The following LDLRAD4 variants were observed in gnomAD, a reference collection of about 807,000 sequenced individuals.
The protein encoded by LDLRAD4 is low-density lipoprotein receptor class A domain-containing protein 4.
Under a neutral mutation model 17.0 loss-of-function variants are expected in LDLRAD4, and 5 were observed. The observed-to-expected ratio is 0.29, with a 90% CI of 0.15 to 0.62. The LOEUF is 0.62. Ranked by LOEUF, LDLRAD4 falls within the 20% of genes least tolerant of loss-of-function variation. The probability of loss-of-function intolerance (pLI) is 0.84; values close to 1 mark genes in which losing one functional copy is unlikely to be tolerated. For missense variants in LDLRAD4, 340 were observed against 424.7 expected (o/e 0.80, Z 1.75); for synonymous variants, 168 against 171.8 (o/e 0.98, Z 0.17).
At chr18:13,278,092 T>A (rs1274214332), upstream of LDLRAD4, 2 of 152,246 alleles carry the variant, frequency 1.3e-5, no homozygotes, top group East Asian at 3.8e-4. Flanking sequence ...AAGTTCTTCA[T>A]CTTTCTTTCT....
At chr18:13,561,444 A>G (rs1273919592) in intron 3 of LDLRAD4, 1 of 152,204 alleles carries the variant, frequency 6.6e-6, no homozygotes, top group Non-Finnish European at 1.5e-5. Flanking sequence ...CCATTTTTAT[A>G]TAGGAGTAAA....
chr18:13,479,765 G>A (rs1187870786), intron 3 of LDLRAD4, among the ~76,000 whole-genome samples: 2 of 152,022 alleles, frequency 1.3e-5, no homozygotes, highest in African/African-American at 4.8e-5. Context: ...TAAAAAATTG[G>A]CCAAAAATTT....
At chr18:13,588,261 T>C (rs1014138476) in intron 3 of LDLRAD4, among the ~76,000 whole-genome samples, 15 of 152,226 alleles carry the variant, frequency 9.9e-5, no homozygotes, top group Admixed American at 6.5e-5. Flanking sequence ...CTCTAGCACC[T>C]GCTTGGGAGG....
At chr18:13,436,448 C>G (rs2090662526) in intron 2 of LDLRAD4, among the ~76,000 whole-genome samples, 1 of 152,204 alleles carries the variant, frequency 6.6e-6, no homozygotes, top group Non-Finnish European at 1.5e-5. Context: ...ACCTTGGATC[C>G]TTTCAAACCA....
At chr18:13,632,366 G>T (rs1160956974) in intron 4 of LDLRAD4, among the ~76,000 whole-genome samples, 1 of 152,250 alleles carries the variant, frequency 6.6e-6, no homozygotes, top group Non-Finnish European at 1.5e-5. Flanking sequence ...TGAGTGCAAG[G>T]TCCAGCCACT....
intron 1 of LDLRAD4, among the ~76,000 whole-genome samples, chr18:13,348,264 T>C (rs1189244843): frequency 2.6e-5 from 4 of 152,200 alleles, no homozygotes; most frequent in African/African-American, 9.6e-5. Context: ...TGGATGTCCT[T>C]TCTGTTTGTT....
chr18:13,223,474 G>C (rs74568648), intron 1 of LDLRAD4, among the ~76,000 whole-genome samples: 1 of 152,218 alleles, frequency 6.6e-6, no homozygotes, highest in East Asian at 1.9e-4. Flanking sequence ...TGGCTGCTGG[G>C]ATTCTTCAGA....
chr18:13,646,836 C>T (rs2043032772), exon 6 of LDLRAD4: 1 of 152,612 alleles, frequency 6.6e-6, no homozygotes, highest in African/African-American at 2.4e-5. Flanking sequence ...CAGGGCTGCT[C>T]AGTTCACAGG....
chr18:13,421,425 C>T (rs920627958), intron 2 of LDLRAD4, among the ~76,000 whole-genome samples: 26 of 152,122 alleles, frequency 1.7e-4, no homozygotes, highest in African/African-American at 5.6e-4. Context: ...TGCAGGGTGG[C>T]CTCCCAGCCC....
chr18:13,313,244 C>T (rs75095415), intron 1 of LDLRAD4, among the ~76,000 whole-genome samples: 2,126 of 152,282 alleles, frequency 0.014, 53 homozygotes, highest in African/African-American at 0.049. Flanking sequence ...TTTGAGTTGG[C>T]GTTGTGCACG....
At chr18:13,609,256 G>A (rs1456052018) in intron 3 of LDLRAD4, among the ~76,000 whole-genome samples, 3 of 152,242 alleles carry the variant, frequency 2.0e-5, no homozygotes, top group Admixed American at 1.3e-4. Context: ...AGTGATGGAC[G>A]TGCTGTCATG....
chr18:13,378,377 C>T (rs191136447), intron 1 of LDLRAD4, among the ~76,000 whole-genome samples: 1 of 152,230 alleles, frequency 6.6e-6, no homozygotes, highest in East Asian at 1.9e-4. Context: ...TTGTTGCCCT[C>T]TCTGTGCCAT....
intron 1 of LDLRAD4, among the ~76,000 whole-genome samples, chr18:13,336,193 A>T (rs571578682): frequency 4.1e-4 from 63 of 152,318 alleles, no homozygotes; most frequent in Middle Eastern, 3.4e-3. Flanking sequence ...TATTCATGAG[A>T]TTCCAACCCG....
chr18:13,301,073 G>C (rs1263415447), intron 1 of LDLRAD4, among the ~76,000 whole-genome samples: 1 of 146,206 alleles, frequency 6.8e-6, no homozygotes, highest in African/African-American at 2.6e-5. Flanking sequence ...AACTGGCCGG[G>C]GTGTCCGTGG....
intron 1 of LDLRAD4, chr18:13,382,825 G>A (rs1444018934): frequency 6.6e-6 from 1 of 152,328 alleles, no homozygotes; most frequent in Non-Finnish European, 1.5e-5. Context: ...AGCATGGGAA[G>A]CAGTGCCTTC....
At chr18:13,458,209 A>G (rs1264011073) in intron 3 of LDLRAD4, among the ~76,000 whole-genome samples, 5 of 152,200 alleles carry the variant, frequency 3.3e-5, no homozygotes, top group Non-Finnish European at 5.9e-5. Flanking sequence ...GGAGGGGTCT[A>G]CACCACTCTG....
At chr18:13,494,224 T>C (rs529852232) in intron 3 of LDLRAD4, among the ~76,000 whole-genome samples, 11 of 152,302 alleles carry the variant, frequency 7.2e-5, no homozygotes, top group African/African-American at 1.9e-4. Flanking sequence ...CTAGCTTGTC[T>C]GACACAAAAG....
chr18:13,438,560 A>G (rs566414256), intron 3 of LDLRAD4, among the ~76,000 whole-genome samples, 176 bp downstream of exon 4: 5 of 152,406 alleles, frequency 3.3e-5, no homozygotes, highest in African/African-American at 1.2e-4. Flanking sequence ...TTCAAAAGTC[A>G]GAAATTTGTT....
In LDLRAD4 at chr18:13,584,522, T is replaced by G. The variant is rs370526349; in HGVS notation, c.182-36595T>G. On this transcript the variant is annotated intron_variant, in intron 3 of 5. Coordinates refer to ENST00000359446, the Ensembl canonical transcript of LDLRAD4. ...CAGGAGCTCATCCGTGTTGTTCCCCTCGGTGACTAGCACTGCACCTGGCGC... is the reference window on the plus strand; with the variant it reads ...CAGGAGCTCATCCGTGTTGTTCCCCGCGGTGACTAGCACTGCACCTGGCGC... 1.7e-4 allele frequency among the ~76,000 whole-genome samples: 26 copies of G among 152,202 alleles called. 1 individual carries two copies. The highest frequency in any genetic ancestry group is 6.8e-3 in the Middle Eastern group (2 of 294).
Sources: gnomAD v4.1 joint callset for allele counts (sites outside exome capture counted in the v4.1 genomes callset) on GRCh38, gnomAD v4.1.1 for gene constraint, MANE v1.5 for transcripts, NCBI Gene and HGNC (gene_info 2026-07-23, HGNC 2026-07-21) for gene names.